Variants in ADAMTS3 observed in about 807,000 individuals in gnomAD.
The protein encoded by ADAMTS3 is ADAM metallopeptidase with thrombospondin type 1 motif 3.
In ADAMTS3, 73 loss-of-function variants were observed where a neutral mutation model predicts 129.0. The ratio of observed to expected loss-of-function variants is 0.57; its 90% confidence interval spans 0.47 to 0.69. The LOEUF (loss-of-function observed/expected upper bound fraction) is 0.69, where lower values mean the gene tolerates loss of function less well. ADAMTS3 is among the 30% of genes least tolerant of loss of function. The pLI is 0.00. For synonymous variants in ADAMTS3, 477 were observed against 510.8 expected (o/e 0.93, Z 0.89); for missense variants, 1,457 against 1,514.5 (o/e 0.96, Z 0.63).
intron 5 of ADAMTS3, among the ~76,000 whole-genome samples, chr4:72,337,745 A>G (rs1337061623): frequency 2.0e-5 from 3 of 152,146 alleles, no homozygotes; most frequent in Admixed American, 1.3e-4. Context: ...TTTATGATAT[A>G]CTGCCTATAA....
chr4:72,320,882 C>CA lies in ADAMTS3; in HGVS notation c.946-13dup. The CA allele has an allele frequency of 6.2e-7, 1 of 1,612,018 alleles. No homozygotes were observed. Among genetic ancestry groups the CA allele is most frequent in the Non-Finnish European group, 8.5e-7 (1 of 1,179,246 alleles). ...ATGAGGCTGATGGACTAAGTGAAAA[C>CA]AATATGTTAAAGACACACCTGACAA... On this transcript the variant is annotated splice_polypyrimidine_tract_variant and intron_variant, in intron 6 of 21. Transcript: ENST00000286657.
chr4:72,291,183 A>AT, intron 19 of ADAMTS3, 121 bp from the exon 20 acceptor site: 1 of 927,044 alleles, frequency 1.1e-6, no homozygotes, highest in Non-Finnish European at 1.6e-6. Context: ...GGCACACTGC[A>AT]GTTCAGGAAG....
In ADAMTS3 at chr4:72,478,563, A is replaced by G. The variant is rs1231827472; in HGVS notation, c.505-63592T>C. 4.7e-5 allele frequency among the ~76,000 whole-genome samples: 7 copies of G among 148,516 alleles called. No homozygotes were observed. The East Asian group carries it at 1.4e-3, about 29-fold the overall frequency. On this transcript the variant is annotated intron_variant, in intron 3 of 21. Coordinates refer to ENST00000286657, the MANE Select transcript of ADAMTS3 (RefSeq NM_014243.3). ...TATCTCAAAATAATAAGAGCTATCT[A>G]TGACAAACCCACAGCCAATATCATA...
intron 5 of ADAMTS3, among the ~76,000 whole-genome samples, chr4:72,332,074 A>G (rs1578589268): frequency 6.6e-6 from 1 of 152,196 alleles, no homozygotes; most frequent in East Asian, 1.9e-4. Flanking sequence ...CTAGGTGAAT[A>G]AATGCCTAGA....
In ADAMTS3 at chr4:72,406,519, G is replaced by A. The variant is rs1029508723; in HGVS notation, c.661+8296C>T. Among the ~76,000 whole-genome samples the A allele has an allele frequency of 7.2e-5, 11 of 151,804 alleles. No individual in the cohort carries two copies. In the East Asian group the frequency reaches 9.7e-4, roughly 13 times the overall value. On this transcript the variant is annotated intron_variant, in intron 4 of 21. Transcript: ENST00000286657. The stretch of plus-strand genomic sequence containing the variant: ...CTCTACTACTTATAGTAAATTCTTC[G>A]CTTCCCATTTACTTAATTCCTATTT...
intron 2 of ADAMTS3, among the ~76,000 whole-genome samples, chr4:72,549,916 C>T: frequency 7.7e-6 from 1 of 129,382 alleles, no homozygotes; most frequent in Non-Finnish European, 1.6e-5. Context: ...ACAATGGATA[C>T]TAGAGAAGGA....
chr4:72,341,648 GTTA>G (rs1284603726), intron 4 of ADAMTS3, among the ~76,000 whole-genome samples: 6 of 152,156 alleles, frequency 3.9e-5, no homozygotes, highest in Non-Finnish European at 7.3e-5. Context: ...TACCAGCAAT[GTTA>G]TTATATCATG....
In ADAMTS3 at chr4:72,399,854, G is replaced by C. The variant is rs528759484; in HGVS notation, c.661+14961C>G. Among the ~76,000 whole-genome samples, 6 of 103,336 alleles carry C rather than the reference G, an allele frequency of 5.8e-5. 1 individual carries two copies. The highest frequency in any genetic ancestry group is 1.6e-4 in the African/African-American group (4 of 25,718). 67.8% of individuals were successfully genotyped at this position (103,336 alleles called of 152,430 possible). A position where few individuals can be genotyped will look rare whatever the true frequency, so the allele number is the denominator to read the frequency against. Reference sequence around the variant, plus strand: ...GTGTATATATATACACACACGGTGTGTATATACGTGTGTATATATACACAC... The same window carrying C: ...GTGTATATATATACACACACGGTGTCTATATACGTGTGTATATATACACAC... On this transcript the variant is annotated intron_variant, in intron 4 of 21. Coordinates refer to ENST00000286657, the MANE Select transcript of ADAMTS3 (RefSeq NM_014243.3).
rs116000456 is a variant in ADAMTS3 at position 72,487,000 on chromosome 4, G to C, written c.504+61478C>G. Among the ~76,000 whole-genome samples the C allele has an allele frequency of 3.9e-5, 6 of 152,014 alleles. No homozygotes were observed. In the East Asian group the frequency reaches 1.2e-3, roughly 29 times the overall value. ...TCTGAATTTAATAACTTATTTTAAG[G>C]ATGATCACCTCTCCAGTCATCACTT... On this transcript the variant is annotated intron_variant, in intron 3 of 21. Coordinates refer to ENST00000286657, the MANE Select transcript of ADAMTS3 (RefSeq NM_014243.3).
chr4:72,530,722 TTATAC>T (rs1721008456), intron 3 of ADAMTS3, among the ~76,000 whole-genome samples: 1 of 77,128 alleles, frequency 1.3e-5, no homozygotes, highest in Non-Finnish European at 2.2e-5. Flanking sequence ...ATATATAATA[TTATAC>T]ATTATATATT....
chr4:72,477,380 A>C (rs1486556373), intron 3 of ADAMTS3, among the ~76,000 whole-genome samples: 2 of 152,210 alleles, frequency 1.3e-5, no homozygotes, highest in African/African-American at 4.8e-5. Context: ...ACTCAGGATT[A>C]AGAAACTCAC....
chr4:72,488,151 T>A (rs913144292), intron 3 of ADAMTS3, among the ~76,000 whole-genome samples: 1 of 152,010 alleles, frequency 6.6e-6, no homozygotes, highest in Non-Finnish European at 1.5e-5. Flanking sequence ...AACGTGGCAA[T>A]GTAAAGGCCT....
chr4:72,561,714 T>G (rs1721909559), intron 2 of ADAMTS3, among the ~76,000 whole-genome samples: 1 of 152,198 alleles, frequency 6.6e-6, no homozygotes, highest in African/African-American at 2.4e-5. Context: ...AATCATATAT[T>G]TAATCCTGTT....
rs149149027 is a variant in ADAMTS3, at chr4:72,374,172, G to A, written c.662-34479C>T. 4.5e-4 allele frequency among the ~76,000 whole-genome samples: 68 copies of A among 151,762 alleles called. 1 individual carries two copies. In the East Asian group the frequency reaches 5.0e-3, roughly 11 times the overall value. ...ACGGCCATTTTAGCAACATAAAAAA[G>A]TACACACTTTGTAACTCATTCTATA... On this transcript the variant is annotated intron_variant, in intron 4 of 21. Coordinates refer to ENST00000286657, the MANE Select transcript of ADAMTS3 (RefSeq NM_014243.3).
At chr4:72,390,689 G>A (rs967516229) in intron 4 of ADAMTS3, among the ~76,000 whole-genome samples, 2 of 152,044 alleles carry the variant, frequency 1.3e-5, no homozygotes, top group Non-Finnish European at 2.9e-5. Flanking sequence ...TTAAGAGAAG[G>A]CTTCAGTAGC....
In ADAMTS3 at chr4:72,312,358, C is replaced by T. The variant is rs777528199; in HGVS notation, c.1854G>A (p.Gln618=). 7.4e-6 allele frequency: 12 copies of T among 1,613,812 alleles called. No individual in the cohort carries two copies. The highest frequency in any genetic ancestry group is 1.0e-5 in the Non-Finnish European group (12 of 1,179,790). Residue 618 remains glutamine, a synonymous_variant, in exon 13 of 22, where the codon CAG becomes CAA. Transcript: ENST00000286657. ...HFEDFRAQQC[Q]QRNSHFEYQN... ...GGTATTCAAAGTGGGAGTTTCGCTG[C>T]TGACACTGCTGTGCTCTGAAGTCCT...
chr4:72,358,879 A>C (rs1193758749), intron 4 of ADAMTS3, among the ~76,000 whole-genome samples: 3 of 152,012 alleles, frequency 2.0e-5, no homozygotes, highest in Non-Finnish European at 4.4e-5. Context: ...AATTTTAAAG[A>C]CTAATGTGCA....
At chr4:72,532,896 C>T (rs989881108) in intron 3 of ADAMTS3, among the ~76,000 whole-genome samples, 7 of 152,078 alleles carry the variant, frequency 4.6e-5, no homozygotes, top group Non-Finnish European at 1.0e-4. Context: ...ATGGAGCTTG[C>T]AGGACTGGAA....
At chr4:72,305,522 CA>C (rs1348161032) in intron 16 of ADAMTS3, among the ~76,000 whole-genome samples, 2 of 151,832 alleles carry the variant, frequency 1.3e-5, no homozygotes, top group East Asian at 3.9e-4. Context: ...TTCCTTAGAG[CA>C]AAAAGTGTAT....
Sources: gnomAD v4.1 joint callset for allele counts (sites outside exome capture counted in the v4.1 genomes callset) on GRCh38, gnomAD v4.1.1 for gene constraint, MANE v1.5 for transcripts, NCBI Gene and HGNC (gene_info 2026-07-23, HGNC 2026-07-21) for gene names.